Variants in NFATC3 observed in about 807,000 individuals in gnomAD.
NFATC3 encodes the protein nuclear factor of activated T cells 3.
Under a neutral mutation model 98.6 loss-of-function variants are expected in NFATC3, and 46 were observed. The observed-to-expected ratio is 0.47, with a 90% CI of 0.37 to 0.60. The LOEUF (loss-of-function observed/expected upper bound fraction) is 0.60, where lower values mean the gene tolerates loss of function less well. Ranked by LOEUF, NFATC3 falls within the 20% of genes least tolerant of loss-of-function variation. The pLI, the probability that NFATC3 is intolerant of heterozygous loss-of-function variation, is 0.00. For synonymous variants in NFATC3, 512 were observed against 472.2 expected (o/e 1.08, Z -1.09); for missense variants, 1,256 against 1,295.5 (o/e 0.97, Z 0.47).
chr16:68,217,268 C>T (rs1446091015), intron 9 of NFATC3, among the ~76,000 whole-genome samples: 9 of 151,588 alleles, frequency 5.9e-5, no homozygotes, highest in Admixed American at 5.3e-4. Flanking sequence ...CTTGTCTTTA[C>T]AAAAAATACA....
chr16:68,121,672 C>G (rs1422138858), intron 1 of NFATC3, among the ~76,000 whole-genome samples: 1 of 73,446 alleles, frequency 1.4e-5, no homozygotes. Flanking sequence ...GACCCTGTCT[C>G]AAAAAAAAAA....
At position 68,085,736 on chromosome 16, in the gene NFATC3, G is replaced by A; in HGVS notation, c.55G>A (p.Gly19Ser). 5 of 1,509,502 alleles carry A rather than the reference G, an allele frequency of 3.3e-6. No individual in the cohort carries two copies. The highest frequency in any genetic ancestry group is 3.5e-6 in the Non-Finnish European group (4 of 1,132,054). 93.5% of individuals were successfully genotyped at this position (1,509,502 alleles called of 1,614,324 possible). ...CGAGCTCGACTTCAAACTCGTCTTT[G>A]GCGAGGACGGGGCGCCGGCGCCGCC... ...HDELDFKLVF[G>S]EDGAPAPPPP... Residue 19 changes from glycine to serine, a missense_variant, in exon 1 of 10, where the codon GGC (glycine) becomes AGC (serine). By Grantham distance (56) the Gly-to-Ser change is moderately conservative. Around this residue, in one of 3 missense-constraint regions of NFATC3, gnomAD observed 464 missense variants for 465.7 expected, o/e 1.00. Transcript: ENST00000346183.
intron 9 of NFATC3, among the ~76,000 whole-genome samples, chr16:68,210,262 C>A (rs934952096): frequency 4.8e-4 from 72 of 148,458 alleles, no homozygotes; most frequent in African/African-American, 1.8e-3. Flanking sequence ...CATGCCACTG[C>A]GCTCCAGCCT....
intron 1 of NFATC3, among the ~76,000 whole-genome samples, chr16:68,101,547 G>A (rs901206221): frequency 6.6e-6 from 1 of 151,158 alleles, no homozygotes; most frequent in Non-Finnish European, 1.5e-5. Context: ...GCAGTGGCGC[G>A]ATCTCGGCTC....
At chr16:68,113,399 C>A (rs1385919364) in intron 1 of NFATC3, among the ~76,000 whole-genome samples, 1 of 152,204 alleles carries the variant, frequency 6.6e-6, no homozygotes, top group African/African-American at 2.4e-5. Context: ...AATTCATCTA[C>A]CCCCTCCTGC....
chr16:68,204,417 T>A (rs2041056855), intron 9 of NFATC3, among the ~76,000 whole-genome samples: 1 of 152,156 alleles, frequency 6.6e-6, no homozygotes, highest in Non-Finnish European at 1.5e-5. Context: ...AAACTCATAT[T>A]TTTTTTGAAC....
intron 9 of NFATC3, among the ~76,000 whole-genome samples, chr16:68,193,593 C>G (rs1266416760): frequency 6.6e-6 from 1 of 151,950 alleles, no homozygotes; most frequent in Non-Finnish European, 1.5e-5. Context: ...CGCTTGAGTC[C>G]AGGAGTTCTA....
intron 1 of NFATC3, among the ~76,000 whole-genome samples, chr16:68,111,786 C>CT (rs1309553735): frequency 6.6e-6 from 1 of 152,144 alleles, no homozygotes; most frequent in African/African-American, 2.4e-5. Flanking sequence ...ATATTTAGTG[C>CT]TTCCTTCAGG....
At chr16:68,097,139 A>G (rs557825584) in intron 1 of NFATC3, among the ~76,000 whole-genome samples, 113 of 152,226 alleles carry the variant, frequency 7.4e-4, no homozygotes, top group Non-Finnish European at 1.2e-3. Flanking sequence ...GATTATTTCT[A>G]TTTTTCTAGT....
intron 1 of NFATC3, among the ~76,000 whole-genome samples, chr16:68,091,993 G>T (rs978085970): frequency 2.0e-5 from 3 of 152,088 alleles, no homozygotes; most frequent in African/African-American, 7.2e-5. Flanking sequence ...ACATAATGTG[G>T]GTCTGCATAT....
intron 3 of NFATC3, 82 bp from the exon 4 acceptor site, chr16:68,157,787 A>G (rs2151575692): frequency 1.8e-6 from 2 of 1,103,906 alleles, no homozygotes; most frequent in Non-Finnish European, 2.6e-6. Flanking sequence ...TGATAGAGAT[A>G]TAATAGACTT....
intron 9 of NFATC3, chr16:68,224,771 A>T (rs2041987345): frequency 6.6e-6 from 1 of 152,108 alleles, no homozygotes; most frequent in African/African-American, 2.4e-5. Flanking sequence ...GAAAAAGATT[A>T]GATGTTAATA....
chr16:68,165,282 A>T (rs1009820748), intron 4 of NFATC3, among the ~76,000 whole-genome samples: 2 of 151,996 alleles, frequency 1.3e-5, no homozygotes, highest in East Asian at 1.9e-4. Flanking sequence ...TGTTGCATTT[A>T]AAAAAAATTC....
intron 6 of NFATC3, 123 bp downstream of exon 6, chr16:68,174,637 C>A: frequency 1.4e-6 from 1 of 726,376 alleles, no homozygotes; most frequent in Non-Finnish European, 2.0e-6. Flanking sequence ...TCATTTTGCA[C>A]TTGATTTTAT....
intron 3 of NFATC3, among the ~76,000 whole-genome samples, chr16:68,157,018 A>G (rs1395524733): frequency 6.6e-6 from 1 of 152,146 alleles, no homozygotes; most frequent in African/African-American, 2.4e-5. Context: ...ACTCACACCT[A>G]ATATCATACT....
At chr16:68,135,290 C>T (rs929349969) in intron 3 of NFATC3, among the ~76,000 whole-genome samples, 2 of 151,832 alleles carry the variant, frequency 1.3e-5, no homozygotes, top group African/African-American at 4.8e-5. Context: ...AACCCCGTTT[C>T]TACTAAAAAT....
At chr16:68,200,423 G>T (rs1235240957) in intron 9 of NFATC3, 1 of 151,684 alleles carries the variant, frequency 6.6e-6, no homozygotes, top group Non-Finnish European at 1.5e-5. Flanking sequence ...TATATATGGG[G>T]TTTTTTTGGA....
intron 3 of NFATC3, among the ~76,000 whole-genome samples, chr16:68,135,318 C>T (rs1038284708): frequency 2.0e-5 from 3 of 151,736 alleles, no homozygotes; most frequent in African/African-American, 4.8e-5. Context: ...ATTAGCCGAG[C>T]GTGTTGGTGG....
At chr16:68,188,232 G>A (rs965659732) in intron 8 of NFATC3, among the ~76,000 whole-genome samples, 1 of 152,184 alleles carries the variant, frequency 6.6e-6, no homozygotes, top group Non-Finnish European at 1.5e-5. Context: ...GCGGGAGGGG[G>A]GCTTCCTGGG....
Sources: allele counts gnomAD v4.1 joint callset (sites outside exome capture counted in the v4.1 genomes callset), GRCh38; gene constraint gnomAD v4.1.1; regional missense constraint gnomAD v4.1.1; transcripts MANE v1.5; gene names NCBI Gene and HGNC (gene_info 2026-07-23, HGNC 2026-07-21).